The following SEMA3E variants were observed in gnomAD, a reference collection of about 807,000 sequenced individuals.
SEMA3E encodes semaphorin-3E.
SEMA3E carries 49 observed loss-of-function variants against 93.6 expected under a neutral mutation model. That is an observed-to-expected ratio of 0.52 (90% CI 0.42 to 0.66). The LOEUF is 0.66. Ranked by LOEUF, SEMA3E falls within the 30% of genes least tolerant of loss-of-function variation. The probability of loss-of-function intolerance (pLI) is 0.00; values close to 1 mark genes in which losing one functional copy is unlikely to be tolerated. For missense variants in SEMA3E, 906 were observed against 964.8 expected, an observed-to-expected ratio of 0.94 and a Z score of 0.81; for synonymous variants, 363 against 330.7, an observed-to-expected ratio of 1.10 and a Z score of -1.06.
intron 1 of SEMA3E, among the ~76,000 whole-genome samples, chr7:83,494,110 T>A (rs1790441033): frequency 6.6e-6 from 1 of 151,840 alleles, no homozygotes; most frequent in Non-Finnish European, 1.5e-5. Flanking sequence ...ATATATCCGA[T>A]CAAATAAACA....
chr7:83,447,439 G>A (rs555381330), intron 4 of SEMA3E, among the ~76,000 whole-genome samples: 3 of 152,200 alleles, frequency 2.0e-5, no homozygotes, highest in South Asian at 2.1e-4. Context: ...TCAGGAGGCC[G>A]AGGCAGGAAA....
intron 1 of SEMA3E, among the ~76,000 whole-genome samples, chr7:83,599,896 C>T (rs1792948419): frequency 6.6e-6 from 1 of 152,112 alleles, no homozygotes; most frequent in Non-Finnish European, 1.5e-5. Context: ...AGAGGCGGAA[C>T]CCATGTGTAC....
At chr7:83,612,048 C>G (rs1333297418) in intron 1 of SEMA3E, among the ~76,000 whole-genome samples, 1 of 152,146 alleles carries the variant, frequency 6.6e-6, no homozygotes, top group African/African-American at 2.4e-5. Context: ...CAGTCAGTCT[C>G]TCTGTCCACA....
At chr7:83,528,415 T>C (rs1416236735) in intron 1 of SEMA3E, among the ~76,000 whole-genome samples, 2 of 152,128 alleles carry the variant, frequency 1.3e-5, no homozygotes, top group East Asian at 1.9e-4. Flanking sequence ...TGTTTAAGAC[T>C]AGCTGGGATT....
chr7:83,405,395 C>T (rs974008537), intron 9 of SEMA3E, 55 bp downstream of exon 9: 2 of 1,263,796 alleles, frequency 1.6e-6, no homozygotes, highest in Non-Finnish European at 2.3e-6. Flanking sequence ...AAGGGAGAGT[C>T]CGGTGAGGCA....
intron 1 of SEMA3E, among the ~76,000 whole-genome samples, chr7:83,550,456 AT>A (rs1399553762): frequency 6.6e-6 from 1 of 152,092 alleles, no homozygotes; most frequent in Non-Finnish European, 1.5e-5. Context: ...ATTAGGGGAA[AT>A]TAGGGTTGTT....
At chr7:83,385,948 T>C (rs1787870909) in intron 15 of SEMA3E, among the ~76,000 whole-genome samples, 1 of 152,164 alleles carries the variant, frequency 6.6e-6, no homozygotes, top group African/African-American at 2.4e-5. Flanking sequence ...GAAATAAAGC[T>C]TGATTATAAT....
rs1027317321 is a variant in SEMA3E, at chr7:83,527,190, A to G, written c.116-36916T>C. 2.3e-4 allele frequency among the ~76,000 whole-genome samples: 24 copies of G among 105,134 alleles called. No individual in the cohort carries two copies. The South Asian group carries it at 3.4e-3, about 15-fold the overall frequency. 69.0% of individuals were successfully genotyped at this position (105,134 alleles called of 152,430 possible). ...CACCATGAGCTAAGAAGTGGGGGGG[A>G]AAAAAAGGTTTTTTTCTCTAGATCC... On this transcript the variant is annotated intron_variant, in intron 1 of 16. Transcript: ENST00000643230.
rs369516676 is a variant in SEMA3E at position 83,648,916 on chromosome 7, C to A, written c.-374G>T. On this transcript the variant is annotated 5_prime_UTR_variant, in exon 1 of 17. Coordinates refer to ENST00000643230, the MANE Select transcript of SEMA3E (RefSeq NM_012431.3). ...AAAAAAAAGAGAGAAAAAAACAAAA[C>A]CGAGCACACGCACTCCCTTCTCCCG... The A allele has an allele frequency of 5.6e-5, 12 of 213,348 alleles. No homozygotes were observed. Among genetic ancestry groups the A allele is most frequent in the African/African-American group, 2.0e-4 (8 of 40,156 alleles). 13.2% of individuals were successfully genotyped at this position (213,348 alleles called of 1,614,324 possible). A position where few individuals can be genotyped will look rare whatever the true frequency, so the allele number is the denominator to read the frequency against.
At chr7:83,573,468 A>C (rs1371624761) in intron 1 of SEMA3E, among the ~76,000 whole-genome samples, 1 of 152,084 alleles carries the variant, frequency 6.6e-6, no homozygotes, top group Non-Finnish European at 1.5e-5. Flanking sequence ...AAATATTGAT[A>C]TTGTCCAGCA....
At chr7:83,623,062 T>C (rs1793599041) in intron 1 of SEMA3E, among the ~76,000 whole-genome samples, 1 of 152,078 alleles carries the variant, frequency 6.6e-6, no homozygotes, top group African/African-American at 2.4e-5. Flanking sequence ...GATAAGAAGA[T>C]GGTGGAATAA....
intron 1 of SEMA3E, among the ~76,000 whole-genome samples, chr7:83,577,416 A>G (rs1327895730): frequency 3.3e-5 from 5 of 152,228 alleles, no homozygotes; most frequent in Non-Finnish European, 5.9e-5. Flanking sequence ...CCAAGACTCA[A>G]AATGCTACCA....
At chr7:83,395,630 T>A (rs1271890540) in intron 12 of SEMA3E, among the ~76,000 whole-genome samples, 1 of 152,190 alleles carries the variant, frequency 6.6e-6, no homozygotes, top group Non-Finnish European at 1.5e-5. Context: ...ATCTTTTTCA[T>A]GGACTATGTA....
At chr7:83,385,215 G>C (rs1415734616) in intron 16 of SEMA3E, 79 bp downstream of exon 16, 25 of 1,503,860 alleles carry the variant, frequency 1.7e-5, no homozygotes, top group Non-Finnish European at 2.2e-5. Context: ...TCATTTTTCA[G>C]CATCCAAATA....
At chr7:83,386,177 C>T (rs1431332437) in intron 15 of SEMA3E, among the ~76,000 whole-genome samples, 1 of 152,092 alleles carries the variant, frequency 6.6e-6, no homozygotes, top group African/African-American at 2.4e-5. Context: ...AGATGAAGGT[C>T]CTACTTTTCT....
At chr7:83,390,501 T>C (rs1249032136) in intron 14 of SEMA3E, among the ~76,000 whole-genome samples, 1 of 152,168 alleles carries the variant, frequency 6.6e-6, no homozygotes, top group Non-Finnish European at 1.5e-5. Context: ...TGGTTTGGAT[T>C]GTGAATTACT....
At chr7:83,427,365 T>G (rs1788794137) in intron 4 of SEMA3E, among the ~76,000 whole-genome samples, 1 of 152,190 alleles carries the variant, frequency 6.6e-6, no homozygotes, top group South Asian at 2.1e-4. Context: ...GCTGAGGCTT[T>G]CTTTCCCTTG....
At chr7:83,495,973 C>T (rs1380392442) in intron 1 of SEMA3E, among the ~76,000 whole-genome samples, 2 of 151,880 alleles carry the variant, frequency 1.3e-5, no homozygotes, top group Non-Finnish European at 2.9e-5. Flanking sequence ...TATCCAGGTA[C>T]TGGTCCTCCC....
At position 83,476,321 on chromosome 7, in the gene SEMA3E, G is replaced by T. The variant is rs140442869; in HGVS notation, c.277-7019C>A. On this transcript the variant is annotated intron_variant, in intron 2 of 16. Transcript: ENST00000643230. ...ACAAGTAAAATTTTCCAGTTTAATC[G>T]GAAGGAAATACTGTAGGATTTTAGC... Among the ~76,000 whole-genome samples the T allele has an allele frequency of 3.2e-3, 493 of 152,156 alleles. 3 individuals are homozygous for T. The highest frequency in any genetic ancestry group is 0.011 in the African/African-American group (464 of 41,496).
Sources: allele counts gnomAD v4.1 joint callset (sites outside exome capture counted in the v4.1 genomes callset), GRCh38; gene constraint gnomAD v4.1.1; transcripts MANE v1.5; gene names NCBI Gene and HGNC (gene_info 2026-07-23, HGNC 2026-07-21).